Variants in PTBP3 observed in about 807,000 individuals in gnomAD.
The protein encoded by PTBP3 is polypyrimidine tract-binding protein 3.
A neutral mutation model predicts 58.7 loss-of-function variants in PTBP3; 20 were observed. The observed-to-expected ratio is 0.34, with a 90% CI of 0.24 to 0.50. The LOEUF is 0.50. Among genes scored for constraint, PTBP3 ranks in the 20% least tolerant of loss-of-function variants. The pLI is 0.98. For synonymous variants in PTBP3, 185 were observed against 219.8 expected, an observed-to-expected ratio of 0.84 and a Z score of 1.40; for missense variants, 509 against 637.2, an observed-to-expected ratio of 0.80 and a Z score of 2.17.
rs1308872859 is a variant in PTBP3, at chr9:112,222,025, T to A, written c.*1826A>T. On this transcript the variant is annotated 3_prime_UTR_variant, in exon 14 of 14. Coordinates refer to ENST00000374257, the MANE Select transcript of PTBP3 (RefSeq NM_001163788.4). ...AACTCCTGGGCTCAAGTGATCCTCC[T>A]GCCTGTAGCCTCCTGCCTACAGGCT... is the stretch of plus-strand genomic sequence containing the variant. 2 of 938,230 alleles carry A rather than the reference T, an allele frequency of 2.1e-6. No individual in the cohort carries two copies. The highest frequency in any genetic ancestry group is 3.6e-5 in the African/African-American group (2 of 56,220). The allele number at this position is 938,230 out of a possible 1,614,324, so 58.1% of individuals were successfully genotyped here.
chr9:112,348,352 G>A, the PTBP3 span, among the ~76,000 whole-genome samples: 1 of 152,240 alleles, frequency 6.6e-6, no homozygotes, highest in African/African-American at 2.4e-5. Flanking sequence ...GCAGCTTCCC[G>A]ATTAGATATC....
chr9:112,378,952 C>G, the PTBP3 span, among the ~76,000 whole-genome samples: 1 of 152,122 alleles, frequency 6.6e-6, no homozygotes, highest in Non-Finnish European at 1.5e-5. Context: ...TTTGGAAGGC[C>G]GAGGCGGGCC....
chr9:112,364,068 T>C, the PTBP3 span, among the ~76,000 whole-genome samples: 1 of 152,174 alleles, frequency 6.6e-6, no homozygotes, highest in Non-Finnish European at 1.5e-5. Flanking sequence ...CTCTTCAGAA[T>C]GTCATATATT....
rs988742912 is a variant in PTBP3 at position 112,306,459 on chromosome 9, C to A, written c.-51-8543G>T. ...AGAGGCCTAAACCACTGTGCCTGGGCAAAAAAAAAAAACACTATTCTTAAC... is the reference window on the plus strand; with the variant it reads ...AGAGGCCTAAACCACTGTGCCTGGGAAAAAAAAAAAAACACTATTCTTAAC... On this transcript the variant is annotated intron_variant, in intron 1 of 13. Coordinates refer to ENST00000374257, the MANE Select transcript of PTBP3 (RefSeq NM_001163788.4). 2.2e-3 allele frequency among the ~76,000 whole-genome samples: 312 copies of A among 142,318 alleles called. 1 individual carries two copies. Among genetic ancestry groups the A allele is most frequent in the Middle Eastern group, 3.7e-3 (1 of 270 alleles). 93.4% of individuals were successfully genotyped at this position (142,318 alleles called of 152,430 possible). A position where few individuals can be genotyped will look rare whatever the true frequency, so the allele number is the denominator to read the frequency against.
intron 2 of PTBP3, among the ~76,000 whole-genome samples, chr9:112,282,531 T>C (rs1380351669): frequency 1.3e-5 from 2 of 152,188 alleles, no homozygotes; most frequent in African/African-American, 4.8e-5. Context: ...AGAACAACTC[T>C]AGTGGAACCC....
chr9:112,280,358 T>C (rs1249702181), intron 2 of PTBP3, among the ~76,000 whole-genome samples: 3 of 137,362 alleles, frequency 2.2e-5, no homozygotes, highest in African/African-American at 7.3e-5. Flanking sequence ...CCTGGGCTGC[T>C]GTTTATTTAT....
chr9:112,332,664 C>T (rs958874442), intron 1 of PTBP3: 17 of 1,217,390 alleles, frequency 1.4e-5, no homozygotes, highest in Non-Finnish European at 1.8e-5. Context: ...TCCCTGAGTC[C>T]CCAGAGAACA....
chr9:112,366,296 G>T, the PTBP3 span, among the ~76,000 whole-genome samples: 2 of 148,508 alleles, frequency 1.3e-5, no homozygotes, highest in East Asian at 3.9e-4. Flanking sequence ...AAAAAAAATT[G>T]CATAAGTAAT....
intron 5 of PTBP3, among the ~76,000 whole-genome samples, chr9:112,256,020 G>A (rs529005537): frequency 6.6e-6 from 1 of 152,062 alleles, no homozygotes; most frequent in South Asian, 2.1e-4. Flanking sequence ...TTGGGAGGCT[G>A]AGACAGGTGG....
intron 1 of PTBP3, 92 bp from the exon 2 acceptor site, chr9:112,298,008 C>T: frequency 9.6e-7 from 1 of 1,036,370 alleles, no homozygotes; most frequent in Non-Finnish European, 1.4e-6. Flanking sequence ...AATATTACTT[C>T]ATCTTTGTAT....
At chr9:112,298,645 A>G (rs1313650651) in intron 1 of PTBP3, 3 of 441,032 alleles carry the variant, frequency 6.8e-6, no homozygotes, top group Non-Finnish European at 1.3e-5. Context: ...CCAATTTTTA[A>G]GAACAAGTGT....
At position 112,231,396 on chromosome 9, in the gene PTBP3, C is replaced by T. The variant is rs1440514148; in HGVS notation, c.1038G>A (p.Gly346=). The change falls in exon 10 of 14, where the codon GGG becomes GGA. Residue 346 remains glycine, a synonymous_variant. Coordinates refer to ENST00000374257, the MANE Select transcript of PTBP3 (RefSeq NM_001163788.4). ...NLNPDLITPH[G]LFILFGVYGD... ...TGAACTTACCAAATAGGATAAAAAG[C>T]CCATGTGGTGTGATAAGCTGTAAAG... 1 of 1,594,440 alleles carries T rather than the reference C, an allele frequency of 6.3e-7. No individual in the cohort carries two copies. The highest frequency in any genetic ancestry group is 8.6e-7 in the Non-Finnish European group (1 of 1,168,734).
At chr9:112,233,086 A>G in intron 8 of PTBP3, among the ~76,000 whole-genome samples, 1 of 152,000 alleles carries the variant, frequency 6.6e-6, no homozygotes, top group East Asian at 1.9e-4. Context: ...AACTACCATC[A>G]TCCATACTGC....
the PTBP3 span, among the ~76,000 whole-genome samples, chr9:112,372,733 G>A: frequency 6.6e-6 from 1 of 152,108 alleles, no homozygotes; most frequent in African/African-American, 2.4e-5. Context: ...ATTTTAGCAT[G>A]TATCAGTACT....
chr9:112,260,818 A>G (rs2132123239), intron 5 of PTBP3, among the ~76,000 whole-genome samples: 1 of 152,298 alleles, frequency 6.6e-6, no homozygotes, highest in East Asian at 1.9e-4. Context: ...GCTATAACTG[A>G]AAGGCTGAGT....
At chr9:112,332,435 T>A (rs1830412946) in intron 1 of PTBP3, among the ~76,000 whole-genome samples, 1 of 152,248 alleles carries the variant, frequency 6.6e-6, no homozygotes, top group Non-Finnish European at 1.5e-5. Context: ...CGACTTTTAC[T>A]GTTCTAGCAA....
chr9:112,255,731 C>T lies in PTBP3; in HGVS notation c.517-2943G>A, dbSNP rs139794093. On this transcript the variant is annotated intron_variant, in intron 5 of 13. Transcript: ENST00000374257. ...TATAACACTACTCTATTTACATCAA[C>T]AATATGTAGTTGCCTATAGTTCTCC... 1.1e-4 allele frequency among the ~76,000 whole-genome samples: 16 copies of T among 152,314 alleles called. No homozygotes were observed. In the East Asian group the frequency reaches 3.1e-3, roughly 29 times the overall value.
intron 4 of PTBP3, among the ~76,000 whole-genome samples, chr9:112,266,296 G>T (rs1836796977): frequency 6.6e-6 from 1 of 152,076 alleles, no homozygotes; most frequent in Non-Finnish European, 1.5e-5. Flanking sequence ...ATAAAAAATG[G>T]GGAAAATGGC....
At chr9:112,309,293 C>A (rs921919622) in intron 1 of PTBP3, among the ~76,000 whole-genome samples, 2 of 151,880 alleles carry the variant, frequency 1.3e-5, no homozygotes, top group Admixed American at 6.6e-5. Context: ...GTGAACACTT[C>A]CCAGGACAGA....
Sources: allele counts gnomAD v4.1 joint callset (sites outside exome capture counted in the v4.1 genomes callset), GRCh38; gene constraint gnomAD v4.1.1; transcripts MANE v1.5; gene names NCBI Gene and HGNC (gene_info 2026-07-23, HGNC 2026-07-21).